NRCAM: variants seen among roughly 807,000 people sequenced by gnomAD.
The protein encoded by NRCAM is NgCAM-related cell adhesion molecule.
NRCAM carries 83 observed loss-of-function variants against 156.5 expected under a neutral mutation model. That is an observed-to-expected ratio of 0.53 (90% CI 0.44 to 0.64). The LOEUF (loss-of-function observed/expected upper bound fraction) is 0.64, where lower values mean the gene tolerates loss of function less well. NRCAM is among the 30% of genes least tolerant of loss of function. The probability of loss-of-function intolerance (pLI) is 0.00; values close to 1 mark genes in which losing one functional copy is unlikely to be tolerated. For missense variants in NRCAM, 1,417 were observed against 1,597.3 expected (o/e 0.89, Z 1.92); for synonymous variants, 538 against 563.9 (o/e 0.95, Z 0.65).
chr7:108,426,866 G>T (rs148899734), intron 1 of NRCAM, among the ~76,000 whole-genome samples: 1 of 152,224 alleles, frequency 6.6e-6, no homozygotes, highest in African/African-American at 2.4e-5. Flanking sequence ...CCTGCTTACA[G>T]CTGGCAGTTT....
chr7:108,321,599 C>A (rs1189793000), intron 2 of NRCAM, among the ~76,000 whole-genome samples: 1 of 152,178 alleles, frequency 6.6e-6, no homozygotes, highest in African/African-American at 2.4e-5. Context: ...ACAAACCATA[C>A]CACCTACCAA....
At chr7:108,212,163 C>G (rs1173995625) in intron 11 of NRCAM, among the ~76,000 whole-genome samples, 3 of 152,158 alleles carry the variant, frequency 2.0e-5, no homozygotes, top group African/African-American at 7.2e-5. Flanking sequence ...TGCAGCTTGG[C>G]TCATAGGAAG....
At chr7:108,318,525 G>A (rs2154198130) in intron 2 of NRCAM, among the ~76,000 whole-genome samples, 1 of 152,264 alleles carries the variant, frequency 6.6e-6, no homozygotes, top group African/African-American at 2.4e-5. Context: ...CGTTCCACAG[G>A]GTGGAAAACA....
intron 32 of NRCAM, among the ~76,000 whole-genome samples, chr7:108,152,104 T>G (rs576620006): frequency 6.6e-6 from 1 of 152,172 alleles, no homozygotes; most frequent in East Asian, 1.9e-4. Context: ...AAAATACAAT[T>G]AACAATCAAC....
At position 108,239,983 on chromosome 7, in the gene NRCAM, T is replaced by G. The variant is rs149607015; in HGVS notation, c.82A>C (p.Ser28Arg). ...PLILFLCQMISALEVPLDPKL... is the reference protein window; with the variant it reads ...PLILFLCQMIRALEVPLDPKL... ...CGATCAAGAGGTACTTCCAGTGCAC[T>G]AATCATCTGGCACAGGAAGAGAATC... Residue 28 changes from serine to arginine, a missense_variant, in exon 4 of 33, where the codon AGT becomes CGT. By Grantham distance (110) the Ser-to-Arg change is moderately radical. This residue lies in a region of NRCAM where 1,238 missense variants were observed against 1,336.4 expected (regional missense o/e 0.93). Coordinates refer to ENST00000379028, the MANE Select transcript of NRCAM (RefSeq NM_001037132.4). 1.6e-5 allele frequency: 26 copies of G among 1,611,564 alleles called. No homozygotes were observed. The African/African-American group carries it at 2.5e-4, about 16-fold the overall frequency.
chr7:108,161,836 T>C (rs376307839), intron 30 of NRCAM, among the ~76,000 whole-genome samples: 13 of 152,354 alleles, frequency 8.5e-5, no homozygotes, highest in Middle Eastern at 3.4e-3. Flanking sequence ...AAATACCTTA[T>C]TTGAAATACA....
At chr7:108,348,972 G>A (rs114406719) in intron 2 of NRCAM, among the ~76,000 whole-genome samples, 7 of 151,796 alleles carry the variant, frequency 4.6e-5, no homozygotes, top group Admixed American at 3.3e-4. Flanking sequence ...CTATCAGGAT[G>A]GGGGGGAATG....
intron 14 of NRCAM, 150 bp downstream of exon 14, chr7:108,197,805 TG>T: frequency 4.2e-6 from 2 of 473,712 alleles, no homozygotes; most frequent in South Asian, 6.7e-5. Context: ...CCATATTCTT[TG>T]GGGCAAGGTT....
intron 3 of NRCAM, among the ~76,000 whole-genome samples, chr7:108,268,635 T>TGG (rs1563033340): frequency 8.0e-5 from 3 of 37,632 alleles, no homozygotes; most frequent in East Asian, 1.1e-3. Flanking sequence ...TGGGGGGGGG[T>TGG]TGGGGGGGGC....
At chr7:108,203,908 C>G (rs2079570724) in intron 13 of NRCAM, among the ~76,000 whole-genome samples, 1 of 152,172 alleles carries the variant, frequency 6.6e-6, no homozygotes, top group African/African-American at 2.4e-5. Context: ...GCTAGGACCC[C>G]ATGATGAAGG....
intron 2 of NRCAM, among the ~76,000 whole-genome samples, chr7:108,355,503 A>G (rs1306629311): frequency 6.6e-6 from 1 of 152,244 alleles, no homozygotes; most frequent in Non-Finnish European, 1.5e-5. Flanking sequence ...AAGAGAAAAA[A>G]TGATGTATAC....
intron 1 of NRCAM, among the ~76,000 whole-genome samples, chr7:108,409,814 T>G (rs1471675636): frequency 6.6e-6 from 1 of 152,232 alleles, no homozygotes; most frequent in Non-Finnish European, 1.5e-5. Flanking sequence ...CCTTGTTAGA[T>G]AAAATAATAT....
intron 3 of NRCAM, among the ~76,000 whole-genome samples, chr7:108,248,577 G>A (rs866013583): frequency 1.3e-5 from 2 of 152,054 alleles, no homozygotes; most frequent in African/African-American, 2.4e-5. Flanking sequence ...TTGATACTTC[G>A]CCTGTTCTAT....
At chr7:108,438,784 G>T (rs903608213) in intron 1 of NRCAM, among the ~76,000 whole-genome samples, 6 of 152,008 alleles carry the variant, frequency 3.9e-5, no homozygotes, top group Non-Finnish European at 8.8e-5. Flanking sequence ...TAATAAACAA[G>T]TTTAGCAAGA....
chr7:108,243,184 T>A (rs2095652556), intron 3 of NRCAM: 1 of 152,098 alleles, frequency 6.6e-6, no homozygotes, highest in Non-Finnish European at 1.5e-5. Context: ...TAGATTCTGT[T>A]AGAGGAGGAC....
chr7:108,177,946 A>G, intron 26 of NRCAM, 44 bp downstream of exon 26: 1 of 1,545,280 alleles, frequency 6.5e-7, no homozygotes, highest in South Asian at 1.2e-5. Flanking sequence ...TAATAAATAA[A>G]ATAAAAAAAC....
intron 24 of NRCAM, among the ~76,000 whole-genome samples, chr7:108,181,196 A>AG (rs778816396): frequency 1.9e-4 from 1 of 5,166 alleles, no homozygotes; most frequent in South Asian, 9.1e-3. Flanking sequence ...TGCTAGGGGG[A>AG]AAAAAAAAAA....
chr7:108,377,592 T>A (rs1407128157), intron 2 of NRCAM, among the ~76,000 whole-genome samples: 1 of 152,120 alleles, frequency 6.6e-6, no homozygotes, highest in Non-Finnish European at 1.5e-5. Context: ...CACAATAGGC[T>A]GGAAAAGACC....
chr7:108,271,302 G>GA (rs1001457491), intron 3 of NRCAM, among the ~76,000 whole-genome samples: 4 of 151,920 alleles, frequency 2.6e-5, no homozygotes, highest in Non-Finnish European at 2.9e-5. Context: ...CTCTTAAAAG[G>GA]AAAAAATAGT....
Sources: allele counts gnomAD v4.1 joint callset (sites outside exome capture counted in the v4.1 genomes callset), GRCh38; gene constraint gnomAD v4.1.1; regional missense constraint gnomAD v4.1.1; transcripts MANE v1.5; gene names NCBI Gene and HGNC (gene_info 2026-07-23, HGNC 2026-07-21).